Variants in GUCA1C observed in about 807,000 individuals in gnomAD.
The protein encoded by GUCA1C is guanylyl cyclase-activating protein 3.
Under a neutral mutation model 16.2 loss-of-function variants are expected in GUCA1C, and 15 were observed. That is an observed-to-expected ratio of 0.93 (90% confidence interval 0.62 to 1.43). The LOEUF (loss-of-function observed/expected upper bound fraction) is 1.43, where lower values mean the gene tolerates loss of function less well. Among genes scored for constraint, GUCA1C ranks in the 40% most tolerant of loss-of-function variants. The pLI is 0.00. For missense variants in GUCA1C, 275 were observed against 244.8 expected (o/e 1.12, Z -0.82); for synonymous variants, 78 against 85.4 (o/e 0.91, Z 0.48).
At chr3:108,931,869 T>A (rs1376252650) in intron 1 of GUCA1C, among the ~76,000 whole-genome samples, 1 of 144,368 alleles carries the variant, frequency 6.9e-6, no homozygotes, top group Admixed American at 6.8e-5. Context: ...TTCCTTCTTT[T>A]TTTTTTTTTT....
rs552909426 is a variant in GUCA1C at position 108,939,630 on chromosome 3, GCTGA to G, written c.204+13925_204+13928del. Reference sequence around the variant, plus strand: ...GCATGAGCCACCGCGCCCGGCCAAGGCTGACTTTTTTTTTTTTAACCAGGACTGT... The same window carrying G: ...GCATGAGCCACCGCGCCCGGCCAAGGCTTTTTTTTTTTTAACCAGGACTGT... On this transcript the variant is annotated intron_variant, in intron 1 of 3. Coordinates refer to ENST00000261047, the MANE Select transcript of GUCA1C (RefSeq NM_005459.4). Among the ~76,000 whole-genome samples the G allele has an allele frequency of 8.9e-5, 13 of 145,290 alleles. No individual in the cohort carries two copies. The East Asian group carries it at 2.4e-3, about 27-fold the overall frequency.
At chr3:108,918,943 G>T (rs1384643941) in intron 2 of GUCA1C, among the ~76,000 whole-genome samples, 1 of 151,836 alleles carries the variant, frequency 6.6e-6, no homozygotes, top group Non-Finnish European at 1.5e-5. Flanking sequence ...TAAATCACAG[G>T]ACTTTTATCC....
At chr3:108,911,145 T>C (rs755770939) in intron 3 of GUCA1C, among the ~76,000 whole-genome samples, 7 of 152,196 alleles carry the variant, frequency 4.6e-5, no homozygotes, top group African/African-American at 7.2e-5. Flanking sequence ...TTCAGGAGTT[T>C]CATTAGTAAT....
At chr3:108,915,349 T>C (rs1559839998) in intron 3 of GUCA1C, among the ~76,000 whole-genome samples, 1 of 152,232 alleles carries the variant, frequency 6.6e-6, no homozygotes, top group Non-Finnish European at 1.5e-5. Context: ...TAATATCCTA[T>C]ATTTTTAACA....
At chr3:108,927,819 C>A (rs767848684) in intron 1 of GUCA1C, among the ~76,000 whole-genome samples, 18 of 152,056 alleles carry the variant, frequency 1.2e-4, no homozygotes, top group Non-Finnish European at 2.4e-4. Context: ...AATTGTTTTT[C>A]TGGTTCCTTC....
intron 1 of GUCA1C, among the ~76,000 whole-genome samples, chr3:108,923,552 G>A (rs866985653): frequency 2.0e-5 from 3 of 152,028 alleles, no homozygotes; most frequent in Non-Finnish European, 4.4e-5. Flanking sequence ...GGTTGACTAT[G>A]GCCTTATAGT....
chr3:108,951,700 G>T (rs1310786160), intron 1 of GUCA1C, among the ~76,000 whole-genome samples: 1 of 152,118 alleles, frequency 6.6e-6, no homozygotes, highest in African/African-American at 2.4e-5. Flanking sequence ...TGTCATTACT[G>T]CTTAGGCTCA....
rs547862236 is a variant in GUCA1C at position 108,919,758 on chromosome 3, T to C, written c.354+678A>G. ...AAACAAATAATTTGGACCAGATCAT[T>C]TCTAAGACATCTAATTCTAATGCTC... On this transcript the variant is annotated intron_variant, in intron 2 of 3. Transcript: ENST00000261047. 5.3e-5 allele frequency among the ~76,000 whole-genome samples: 8 copies of C among 152,292 alleles called. 1 individual carries two copies. The highest frequency in any genetic ancestry group is 5.2e-4 in the Admixed American group (8 of 15,304).
At chr3:108,933,107 C>G (rs1946687214) in intron 1 of GUCA1C, among the ~76,000 whole-genome samples, 1 of 152,172 alleles carries the variant, frequency 6.6e-6, no homozygotes, top group African/African-American at 2.4e-5. Flanking sequence ...ATTTCCTAAT[C>G]TCTCACTGCC....
intron 3 of GUCA1C, among the ~76,000 whole-genome samples, chr3:108,913,982 C>T (rs1390003845): frequency 6.6e-6 from 1 of 152,046 alleles, no homozygotes; most frequent in Non-Finnish European, 1.5e-5. Flanking sequence ...AGAAGAATTG[C>T]TTGAACCCAG....
intron 1 of GUCA1C, among the ~76,000 whole-genome samples, chr3:108,931,592 G>T (rs1456015406): frequency 6.6e-6 from 1 of 152,174 alleles, no homozygotes; most frequent in Non-Finnish European, 1.5e-5. Context: ...AGATTTTGTA[G>T]AAATTTGCAT....
At chr3:108,946,344 C>T (rs533352620) in intron 1 of GUCA1C, among the ~76,000 whole-genome samples, 4 of 152,120 alleles carry the variant, frequency 2.6e-5, no homozygotes, top group Non-Finnish European at 4.4e-5. Context: ...GTTGCCCATG[C>T]TGGTCTCGAA....
chr3:108,938,303 G>T (rs1413668087), intron 1 of GUCA1C, among the ~76,000 whole-genome samples: 1 of 152,010 alleles, frequency 6.6e-6, no homozygotes, highest in East Asian at 1.9e-4. Flanking sequence ...GAAGACATTT[G>T]CATGCTTTCT....
At chr3:108,917,466 G>T (rs374841819) in intron 2 of GUCA1C, among the ~76,000 whole-genome samples, 3 of 152,168 alleles carry the variant, frequency 2.0e-5, no homozygotes, top group African/African-American at 7.2e-5. Flanking sequence ...CAGGATCAGG[G>T]GATAGGCAAG....
intron 3 of GUCA1C, among the ~76,000 whole-genome samples, chr3:108,910,689 T>A (rs1047814011): frequency 6.6e-6 from 1 of 151,226 alleles, no homozygotes; most frequent in African/African-American, 2.4e-5. Flanking sequence ...TCCCTCTGTC[T>A]CCCAGGCTGG....
At chr3:108,949,462 G>T (rs532331489) in intron 1 of GUCA1C, among the ~76,000 whole-genome samples, 1 of 152,350 alleles carries the variant, frequency 6.6e-6, no homozygotes, top group Non-Finnish European at 1.5e-5. Context: ...TCTCCTGTCT[G>T]TTAGGAATAA....
intron 1 of GUCA1C, among the ~76,000 whole-genome samples, chr3:108,935,083 G>C (rs559398143): frequency 6.6e-6 from 1 of 151,924 alleles, no homozygotes; most frequent in Non-Finnish European, 1.5e-5. Flanking sequence ...AAAGTGCTGG[G>C]ATTACAGGCA....
At chr3:108,931,702 AT>A (rs1946667753) in intron 1 of GUCA1C, among the ~76,000 whole-genome samples, 1 of 152,038 alleles carries the variant, frequency 6.6e-6, no homozygotes. Flanking sequence ...GAAAAAAATT[AT>A]TGTTTTCAGT....
At chr3:108,948,597 T>A (rs936062015) in intron 1 of GUCA1C, among the ~76,000 whole-genome samples, 4 of 152,228 alleles carry the variant, frequency 2.6e-5, no homozygotes, top group African/African-American at 9.7e-5. Context: ...TATTCTCTCT[T>A]CATGTTTGAT....
Sources: allele counts gnomAD v4.1 joint callset (sites outside exome capture counted in the v4.1 genomes callset), GRCh38; gene constraint gnomAD v4.1.1; transcripts MANE v1.5; gene names NCBI Gene and HGNC (gene_info 2026-07-23, HGNC 2026-07-21).